Variants in CSNK1G3 observed in about 807,000 individuals in gnomAD.
CSNK1G3 encodes the protein casein kinase 1 gamma 3.
In CSNK1G3, 23 loss-of-function variants were observed where a neutral mutation model predicts 64.3. The observed-to-expected ratio is 0.36, with a 90% CI of 0.26 to 0.51. The LOEUF is 0.51. CSNK1G3 is among the 20% of genes least tolerant of loss of function. The pLI is 0.96. For synonymous variants in CSNK1G3, 158 were observed against 162.2 expected (o/e 0.97, Z 0.20); for missense variants, 357 against 510.5 (o/e 0.70, Z 2.90).
At chr5:123,608,270 T>G (rs1795711294) in intron 12 of CSNK1G3, among the ~76,000 whole-genome samples, 1 of 152,182 alleles carries the variant, frequency 6.6e-6, no homozygotes, top group African/African-American at 2.4e-5. Flanking sequence ...TAATGCACAT[T>G]TTAGCATCCT....
intron 10 of CSNK1G3, among the ~76,000 whole-genome samples, chr5:123,603,890 T>C (rs573157350): frequency 2.6e-5 from 4 of 152,210 alleles, no homozygotes; most frequent in Non-Finnish European, 5.9e-5. Flanking sequence ...GTAAGGAATA[T>C]AGATTTTTTA....
intron 1 of CSNK1G3, among the ~76,000 whole-genome samples, chr5:123,544,074 C>CA (rs1782136819): frequency 6.6e-6 from 1 of 152,132 alleles, no homozygotes; most frequent in Admixed American, 6.6e-5. Context: ...GCAAAAAACT[C>CA]ACAGTCTTCC....
intron 7 of CSNK1G3, 38 bp from the exon 8 acceptor site, chr5:123,588,389 A>G (rs1791713800): frequency 1.7e-5 from 25 of 1,504,704 alleles, no homozygotes; most frequent in Non-Finnish European, 2.3e-5. Flanking sequence ...ATAATTTTTA[A>G]ATTACCACAT....
intron 4 of CSNK1G3, among the ~76,000 whole-genome samples, chr5:123,571,718 T>G (rs1788147768): frequency 6.6e-6 from 1 of 152,114 alleles, no homozygotes. Context: ...AACGTTTTAT[T>G]AAAAAGAATG....
chr5:123,547,155 T>C lies in CSNK1G3; in HGVS notation c.178+1314T>C, dbSNP rs534196773. 3.3e-5 allele frequency among the ~76,000 whole-genome samples: 5 copies of C among 152,276 alleles called. No individual in the cohort carries two copies. In the South Asian group the frequency reaches 1.0e-3, roughly 32 times the overall value. ...GCATGATTAGACATTGATAATATGC[T>C]GGTAAAATATAAAAATAGTGCCTTA... is the stretch of plus-strand genomic sequence containing the variant. On this transcript the variant is annotated intron_variant, in intron 2 of 12. Coordinates refer to ENST00000345990, the Ensembl canonical transcript of CSNK1G3.
At chr5:123,516,095 A>G (rs1204975856) in intron 1 of CSNK1G3, among the ~76,000 whole-genome samples, 3 of 151,864 alleles carry the variant, frequency 2.0e-5, no homozygotes, top group African/African-American at 7.3e-5. Flanking sequence ...AGCGGTTGGC[A>G]ATTCGTGGTA....
intron 2 of CSNK1G3, among the ~76,000 whole-genome samples, chr5:123,552,192 T>C (rs1276627419): frequency 6.6e-6 from 1 of 152,054 alleles, no homozygotes; most frequent in African/African-American, 2.4e-5. Context: ...TTGCCCAGGC[T>C]GGAGTGGAGT....
At chr5:123,537,450 G>T (rs1275248094) in intron 1 of CSNK1G3, among the ~76,000 whole-genome samples, 2 of 152,012 alleles carry the variant, frequency 1.3e-5, no homozygotes, top group African/African-American at 4.8e-5. Flanking sequence ...GAGGGAGTGG[G>T]ATGATGAGAA....
intron 4 of CSNK1G3, among the ~76,000 whole-genome samples, chr5:123,571,759 C>G (rs1788154723): frequency 6.8e-6 from 1 of 146,730 alleles, no homozygotes. Flanking sequence ...TTTTCTCTTT[C>G]AATATACTGA....
At chr5:123,613,135 C>T (rs1242754624) in intron 12 of CSNK1G3, among the ~76,000 whole-genome samples, 1 of 150,042 alleles carries the variant, frequency 6.7e-6, no homozygotes, top group Non-Finnish European at 1.5e-5. Flanking sequence ...ACCTTCATGC[C>T]TTTATTTGAA....
chr5:123,523,372 G>A (rs1778485707), intron 1 of CSNK1G3, among the ~76,000 whole-genome samples: 1 of 152,172 alleles, frequency 6.6e-6, no homozygotes, highest in South Asian at 2.1e-4. Flanking sequence ...GGTCCTTTTA[G>A]TGACTGATTT....
At chr5:123,614,072 CTTAA>C (rs1350522497) in intron 12 of CSNK1G3, among the ~76,000 whole-genome samples, 9 of 152,258 alleles carry the variant, frequency 5.9e-5, no homozygotes, top group African/African-American at 1.9e-4. Context: ...GAATGAAATT[CTTAA>C]TTACTCTTAG....
intron 1 of CSNK1G3, among the ~76,000 whole-genome samples, chr5:123,538,980 T>C (rs1460678500): frequency 6.6e-6 from 1 of 152,122 alleles, no homozygotes; most frequent in South Asian, 2.1e-4. Flanking sequence ...TGTATTTAGG[T>C]TTATGATCCA....
intron 10 of CSNK1G3, among the ~76,000 whole-genome samples, chr5:123,600,821 A>G (rs1291972014): frequency 6.6e-6 from 1 of 151,960 alleles, no homozygotes; most frequent in Non-Finnish European, 1.5e-5. Flanking sequence ...TGTTAAGTTT[A>G]CAATTATGTC....
intron 1 of CSNK1G3, among the ~76,000 whole-genome samples, chr5:123,537,479 T>G (rs969677639): frequency 5.9e-5 from 9 of 152,008 alleles, no homozygotes; most frequent in South Asian, 2.1e-4. Context: ...GTGGGCACAA[T>G]GTACATGTTT....
exon 6 of CSNK1G3, chr5:123,575,884 G>A: frequency 6.2e-7 from 1 of 1,613,564 alleles, no homozygotes; most frequent in South Asian, 1.1e-5. Context: ...CGGAGACAAA[G>A]AAACACATAC....
At chr5:123,569,743 T>C (rs1294165437) in intron 4 of CSNK1G3, among the ~76,000 whole-genome samples, 1 of 152,180 alleles carries the variant, frequency 6.6e-6, no homozygotes, top group African/African-American at 2.4e-5. Context: ...TTCTTGAGAA[T>C]GCTTTTTATT....
chr5:123,559,966 CT>C (rs1785363873), intron 4 of CSNK1G3, among the ~76,000 whole-genome samples: 1 of 151,966 alleles, frequency 6.6e-6, no homozygotes, highest in Non-Finnish European at 1.5e-5. Context: ...TTAATATTCT[CT>C]TTAAAAATAG....
chr5:123,583,159 C>G (rs1348490155), intron 6 of CSNK1G3, among the ~76,000 whole-genome samples: 1 of 152,194 alleles, frequency 6.6e-6, no homozygotes, highest in African/African-American at 2.4e-5. Flanking sequence ...CTCTCCATAA[C>G]AGAGCGTCTT....
Sources: gnomAD v4.1 joint callset for allele counts (sites outside exome capture counted in the v4.1 genomes callset) on GRCh38, gnomAD v4.1.1 for gene constraint, MANE v1.5 for transcripts, NCBI Gene and HGNC (gene_info 2026-07-23, HGNC 2026-07-21) for gene names.